IRF8: variants seen among roughly 807,000 people sequenced by gnomAD.
IRF8 encodes interferon regulatory factor 8.
Under a neutral mutation model 48.7 loss-of-function variants are expected in IRF8, and 14 were observed. That is an observed-to-expected ratio of 0.29 (90% CI 0.19 to 0.45). IRF8 has a LOEUF of 0.45. Among genes scored for constraint, IRF8 ranks in the 20% least tolerant of loss-of-function variants. IRF8 has a pLI of 1.00. For missense variants in IRF8, 493 were observed against 580.7 expected, an observed-to-expected ratio of 0.85 and a Z score of 1.55; for synonymous variants, 278 against 227.3, an observed-to-expected ratio of 1.22 and a Z score of -2.01.
intron 5 of IRF8, 67 bp from the exon 6 acceptor site, chr16:85,914,406 G>A (rs1905234241): frequency 2.0e-5 from 32 of 1,591,146 alleles, no homozygotes; most frequent in Non-Finnish European, 2.4e-5. Flanking sequence ...GAGAAGGAGC[G>A]ATTGGGGTTA....
At chr16:85,912,941 A>T in intron 4 of IRF8, among the ~76,000 whole-genome samples, 190 bp from the exon 5 acceptor site, 1 of 152,390 alleles carries the variant, frequency 6.6e-6, no homozygotes, top group East Asian at 1.9e-4. Context: ...CATGGTTTGA[A>T]TGCTAAGCCT....
intron 2 of IRF8, among the ~76,000 whole-genome samples, chr16:85,905,077 A>G (rs574123606): frequency 6.6e-6 from 1 of 152,012 alleles, no homozygotes; most frequent in East Asian, 1.9e-4. Flanking sequence ...CCCCTCCCCT[A>G]CTGTCACAAT....
chr16:85,917,885 A>T (rs1905369547), intron 6 of IRF8, among the ~76,000 whole-genome samples: 2 of 152,266 alleles, frequency 1.3e-5, no homozygotes, highest in Non-Finnish European at 2.9e-5. Context: ...ATTTGGATGA[A>T]GGGTTTTGCA....
intron 2 of IRF8, among the ~76,000 whole-genome samples, chr16:85,907,339 G>C (rs944161416): frequency 2.0e-5 from 3 of 152,232 alleles, no homozygotes; most frequent in African/African-American, 4.8e-5. Context: ...TTCTGGAAGT[G>C]TGGTCTCCTG....
chr16:85,904,900 C>T (rs1256963185), intron 2 of IRF8, among the ~76,000 whole-genome samples: 1 of 143,140 alleles, frequency 7.0e-6, no homozygotes, highest in Non-Finnish European at 1.5e-5. Context: ...GAGTCCCATT[C>T]AGTCGGTTGG....
chr16:85,909,143 T>C lies in IRF8; in HGVS notation c.328T>C (p.Tyr110His). The C allele has an allele frequency of 6.2e-7, 1 of 1,614,214 alleles. No homozygotes were observed. Among genetic ancestry groups the C allele is most frequent in the Non-Finnish European group, 8.5e-7 (1 of 1,180,032 alleles). Residue 110 changes from tyrosine (Y) to histidine (H), a missense_variant, in exon 3 of 9, where the codon TAC becomes CAC. This residue lies in a region of IRF8 where 408 missense variants were observed against 449.6 expected (regional missense o/e 0.91). Transcript: ENST00000268638. ...QLDISEPYKV[Y>H]RIVPEEEQKC... ...GGACATTTCCGAGCCATACAAAGTT[T>C]ACCGAATTGTTCCTGAGGAAGAGCA... is the stretch of plus-strand genomic sequence containing the variant.
intron 6 of IRF8, among the ~76,000 whole-genome samples, chr16:85,916,764 A>G (rs1905321933): frequency 6.6e-6 from 1 of 152,124 alleles, no homozygotes; most frequent in Non-Finnish European, 1.5e-5. Context: ...GGGTAAAGGG[A>G]GGGGAGTGTG....
intron 2 of IRF8, among the ~76,000 whole-genome samples, chr16:85,904,541 C>T (rs1038036470): frequency 4.6e-5 from 7 of 152,162 alleles, no homozygotes; most frequent in East Asian, 1.9e-4. Context: ...TGGGGCTGTG[C>T]GTTTCAGTAA....
intron 1 of IRF8, among the ~76,000 whole-genome samples, chr16:85,902,385 G>A (rs566395974): frequency 6.6e-6 from 1 of 152,320 alleles, no homozygotes; most frequent in Admixed American, 6.5e-5. Flanking sequence ...CTGATGCCCT[G>A]AGTTTAAATG....
At chr16:85,910,382 G>A (rs977942284) in intron 3 of IRF8, among the ~76,000 whole-genome samples, 1 of 152,184 alleles carries the variant, frequency 6.6e-6, no homozygotes, top group Admixed American at 6.5e-5. Context: ...ACCTTCCCTT[G>A]GAGAATCGGG....
chr16:85,919,600 T>G (rs999202975), intron 7 of IRF8, among the ~76,000 whole-genome samples: 2 of 152,220 alleles, frequency 1.3e-5, no homozygotes, highest in African/African-American at 4.8e-5. Flanking sequence ...CGTCCTGCAA[T>G]GTACATTCCC....
intron 6 of IRF8, among the ~76,000 whole-genome samples, chr16:85,916,950 G>T (rs965526808): frequency 2.6e-5 from 4 of 152,214 alleles, no homozygotes; most frequent in Non-Finnish European, 5.9e-5. Context: ...AATCAATGAG[G>T]TGGACCAGAG....
intron 1 of IRF8, among the ~76,000 whole-genome samples, chr16:85,899,501 G>C (rs1567873927): frequency 6.6e-6 from 1 of 152,188 alleles, no homozygotes; most frequent in Non-Finnish European, 1.5e-5. Flanking sequence ...GGTTTACATG[G>C]AAAACGTTAG....
chr16:85,914,679 CT>C (rs1905246683), intron 6 of IRF8, among the ~76,000 whole-genome samples, 159 bp downstream of exon 6: 2 of 151,906 alleles, frequency 1.3e-5, no homozygotes, highest in Non-Finnish European at 2.9e-5. Context: ...GAAGTCTAGG[CT>C]CCGTTCCGAG....
In IRF8 at chr16:85,914,525, G is replaced by T; in HGVS notation, c.601+5G>T. The T allele has an allele frequency of 6.2e-7, 1 of 1,614,032 alleles. No individual in the cohort carries two copies. The highest frequency in any genetic ancestry group is 8.5e-7 in the Non-Finnish European group (1 of 1,179,996). On this transcript the variant is annotated splice_donor_5th_base_variant and intron_variant, in intron 6 of 8. Transcript: ENST00000268638. Reference sequence around the variant, plus strand: ...CCTACGACGCGCACCATTCAGGTACGGGGTGGTCCGGGCTGAGAGGGGCGT... The same window carrying T: ...CCTACGACGCGCACCATTCAGGTACTGGGTGGTCCGGGCTGAGAGGGGCGT...
At chr16:85,917,240 G>A (rs545881136) in intron 6 of IRF8, among the ~76,000 whole-genome samples, 1 of 152,178 alleles carries the variant, frequency 6.6e-6, no homozygotes, top group African/African-American at 2.4e-5. Context: ...GCCTCGAACC[G>A]GTCTGGGGTA....
chr16:85,922,195 G>A lies in IRF8; in HGVS notation c.*913G>A, dbSNP rs1905602606. ...AGAAGGTGGAAGGTGTTAGGGTTTG[G>A]GAGACAGCTCATCCAATCTCCCAAG... On this transcript the variant is annotated 3_prime_UTR_variant, in exon 9 of 9. Transcript: ENST00000268638. 6.6e-6 allele frequency: 1 copy of A among 152,324 alleles called. No individual in the cohort carries two copies. The highest frequency in any genetic ancestry group is 1.5e-5 in the Non-Finnish European group (1 of 68,036). The allele number at this position is 152,324 out of a possible 1,614,324, so 9.4% of individuals were successfully genotyped here.
intron 2 of IRF8, among the ~76,000 whole-genome samples, chr16:85,906,919 C>T (rs1302534920): frequency 1.3e-5 from 2 of 152,180 alleles, no homozygotes; most frequent in Non-Finnish European, 2.9e-5. Context: ...GCTGATATGT[C>T]AGGCTTGCCA....
chr16:85,915,849 A>C (rs1905286851), intron 6 of IRF8, among the ~76,000 whole-genome samples: 1 of 152,204 alleles, frequency 6.6e-6, no homozygotes, highest in African/African-American at 2.4e-5. Context: ...GAATTAGTCC[A>C]GCAGGGTCAT....
Sources: allele counts gnomAD v4.1 joint callset (sites outside exome capture counted in the v4.1 genomes callset), GRCh38; gene constraint gnomAD v4.1.1; regional missense constraint gnomAD v4.1.1; transcripts MANE v1.5; gene names NCBI Gene and HGNC (gene_info 2026-07-23, HGNC 2026-07-21).